The following ATP6V1G3 variants were observed in gnomAD, a reference collection of about 807,000 sequenced individuals.
ATP6V1G3 encodes the protein ATPase H+ transporting V1 subunit G3, also known as V-type proton ATPase subunit G 3.
ATP6V1G3 carries 9 observed loss-of-function variants against 9.3 expected under a neutral mutation model. The observed-to-expected ratio is 0.97, with a 90% CI of 0.59 to 1.69. ATP6V1G3 has a LOEUF of 1.69. ATP6V1G3 is among the 40% of genes most tolerant of loss of function. The pLI, the probability that ATP6V1G3 is intolerant of heterozygous loss-of-function variation, is 0.00. For synonymous variants in ATP6V1G3, 43 were observed against 43.8 expected (o/e 0.98, Z 0.07); for missense variants, 133 against 139.0 (o/e 0.96, Z 0.22).
intron 1 of ATP6V1G3, 90 bp from the exon 2 acceptor site, chr1:198,529,271 A>G (rs1010665188): frequency 3.3e-5 from 10 of 302,478 alleles, no homozygotes; most frequent in Non-Finnish European, 4.7e-5. Context: ...AAGGATATAT[A>G]TATTAACAAC....
chr1:198,525,798 C>A (rs73077369), intron 2 of ATP6V1G3, among the ~76,000 whole-genome samples: 2,380 of 152,124 alleles, frequency 0.016, 77 homozygotes, highest in African/African-American at 0.054. Context: ...AAGTGGTCAC[C>A]ATTTTGGACA....
chr1:198,531,234 G>A (rs901934867), intron 1 of ATP6V1G3, among the ~76,000 whole-genome samples: 1 of 152,126 alleles, frequency 6.6e-6, no homozygotes. Context: ...AGCTGCTGCT[G>A]TGTAAGAGCC....
At chr1:198,538,653 G>T (rs1018602148) in intron 1 of ATP6V1G3, among the ~76,000 whole-genome samples, 3 of 151,980 alleles carry the variant, frequency 2.0e-5, no homozygotes, top group Non-Finnish European at 4.4e-5. Context: ...TCCTGTAATT[G>T]CAGTAATTTG....
At chr1:198,528,165 A>T (rs1425820913) in intron 2 of ATP6V1G3, among the ~76,000 whole-genome samples, 1 of 152,138 alleles carries the variant, frequency 6.6e-6, no homozygotes, top group Non-Finnish European at 1.5e-5. Context: ...AACATTGATA[A>T]AAATTTTTAT....
intron 1 of ATP6V1G3, among the ~76,000 whole-genome samples, chr1:198,531,833 CT>C (rs1462910662): frequency 1.3e-5 from 2 of 151,916 alleles, no homozygotes; most frequent in East Asian, 3.8e-4. Context: ...ATTTAATAAT[CT>C]ACCATAAAAA....
intron 2 of ATP6V1G3, 88 bp from the exon 3 acceptor site, chr1:198,523,652 C>T (rs953110059): frequency 2.6e-5 from 32 of 1,234,924 alleles, no homozygotes; most frequent in Non-Finnish European, 3.5e-5. Flanking sequence ...GATGATTGTC[C>T]TACAATGCAC....
intron 1 of ATP6V1G3, among the ~76,000 whole-genome samples, chr1:198,540,051 C>T (rs921002868): frequency 2.6e-5 from 4 of 151,380 alleles, no homozygotes; most frequent in Non-Finnish European, 4.4e-5. Flanking sequence ...AGACCCTCAT[C>T]TCTTAAAAAA....
intron 1 of ATP6V1G3, among the ~76,000 whole-genome samples, chr1:198,531,631 G>A (rs1363417056): frequency 6.6e-6 from 1 of 152,114 alleles, no homozygotes; most frequent in Non-Finnish European, 1.5e-5. Context: ...GATGCGATAA[G>A]TTCTTGAGGT....
At chr1:198,532,604 A>G (rs1659947992) in intron 1 of ATP6V1G3, among the ~76,000 whole-genome samples, 1 of 152,194 alleles carries the variant, frequency 6.6e-6, no homozygotes, top group African/African-American at 2.4e-5. Context: ...AAGGAGAATA[A>G]GGGGTAAAGA....
intron 1 of ATP6V1G3, among the ~76,000 whole-genome samples, chr1:198,533,033 C>T (rs992889348): frequency 2.6e-5 from 4 of 152,044 alleles, no homozygotes; most frequent in Admixed American, 6.6e-5. Flanking sequence ...TGGCTAGGCA[C>T]GGTGGCTCAT....
intron 2 of ATP6V1G3, among the ~76,000 whole-genome samples, chr1:198,524,123 AT>A (rs10712995): frequency 0.85 from 112,741 of 133,296 alleles, 48,412 homozygotes; most frequent in Middle Eastern, 0.93. Context: ...TATATGCACA[AT>A]TTTTTTTTTT....
At chr1:198,533,408 C>G (rs1349752460) in intron 1 of ATP6V1G3, among the ~76,000 whole-genome samples, 1 of 151,814 alleles carries the variant, frequency 6.6e-6, no homozygotes, top group Non-Finnish European at 1.5e-5. Flanking sequence ...TGCAATTGTT[C>G]AGGCAAATTT....
At chr1:198,533,357 TA>T (rs1659984488) in intron 1 of ATP6V1G3, among the ~76,000 whole-genome samples, 1 of 150,088 alleles carries the variant, frequency 6.7e-6, no homozygotes, top group African/African-American at 2.5e-5. Flanking sequence ...AAATACACTA[TA>T]GGGGTAAAGG....
rs562023223 is a variant in ATP6V1G3, at chr1:198,532,773, G to T, written c.83-3592C>A. Among the ~76,000 whole-genome samples, 3 of 152,292 alleles carry T rather than the reference G, an allele frequency of 2.0e-5. No homozygotes were observed. The South Asian group carries it at 6.2e-4, about 32-fold the overall frequency. ...CCTCCAGGCAGAGGGAACAGCAAGT[G>T]CAGAGGCCCTGAGGTGGGAGGATAT... is the stretch of plus-strand genomic sequence containing the variant. On this transcript the variant is annotated intron_variant, in intron 1 of 2. Coordinates refer to ENST00000367382, the MANE Select transcript of ATP6V1G3 (RefSeq NM_001376861.1).
Position 198,529,093 on chromosome 1 carries a change from T to C in ATP6V1G3, c.171A>G (p.Leu57=), listed in dbSNP as rs747315950. 5 of 1,517,152 alleles carry C rather than the reference T, an allele frequency of 3.3e-6. No individual in the cohort carries two copies. Among genetic ancestry groups the C allele is most frequent in the East Asian group, 5.0e-5 (2 of 39,954 alleles). 94.0% of individuals were successfully genotyped at this position (1,517,152 alleles called of 1,614,324 possible). Residue 57 remains leucine (L), a synonymous_variant, in exon 2 of 3, where the codon CTA becomes CTG. Coordinates refer to ENST00000367382, the MANE Select transcript of ATP6V1G3 (RefSeq NM_001376861.1). The part of the protein sequence containing the change: ...YRMQRDKEFR[L]KQSKIMGSQN... ...CTTTCTTACTCACCTTAGATTGTTT[T>C]AGTCGAAACTCTTTATCTCTCTGCA...
intron 1 of ATP6V1G3, among the ~76,000 whole-genome samples, chr1:198,537,404 C>T (rs1036033286): frequency 6.6e-6 from 1 of 152,112 alleles, no homozygotes; most frequent in Non-Finnish European, 1.5e-5. Context: ...CCCTCTTTCT[C>T]GCCCTTCCTT....
intron 1 of ATP6V1G3, chr1:198,536,661 C>T: frequency 6.3e-7 from 1 of 1,576,706 alleles, no homozygotes; most frequent in East Asian, 2.2e-5. Context: ...AGTATCTGAA[C>T]ATTTCTAGTC....
In ATP6V1G3 at chr1:198,523,440, ACCATGCTC is replaced by A. The variant is rs1367084288; in HGVS notation, c.300_307del (p.Leu100PhefsTer3). 1 of 1,613,512 alleles carries A rather than the reference ACCATGCTC, an allele frequency of 6.2e-7. No individual in the cohort carries two copies. The highest frequency in any genetic ancestry group is 1.7e-5 in the Admixed American group (1 of 59,966). On this transcript the variant is annotated frameshift_variant, in exon 3 of 3. Coordinates refer to ENST00000367382, the MANE Select transcript of ATP6V1G3 (RefSeq NM_001376861.1). LOFTEE classifies it high-confidence loss of function. Reference sequence around the variant, plus strand: ...ATGGATTTCTGGTTTCATGTCACAGACCATGCTCAAGAGCTGGTTCATCACACTTTCCA... The same window carrying A: ...ATGGATTTCTGGTTTCATGTCACAGAAAGAGCTGGTTCATCACACTTTCCA...
At chr1:198,538,891 C>CA (rs71569596) in intron 1 of ATP6V1G3, among the ~76,000 whole-genome samples, 10,084 of 97,282 alleles carry the variant, frequency 0.1, 539 homozygotes, top group Middle Eastern at 0.12. Flanking sequence ...GACCCTGTCT[C>CA]AAAAAAAAAA....
Sources: allele counts gnomAD v4.1 joint callset (sites outside exome capture counted in the v4.1 genomes callset), GRCh38; gene constraint gnomAD v4.1.1; transcripts MANE v1.5; gene names NCBI Gene and HGNC (gene_info 2026-07-23, HGNC 2026-07-21).